Variants in SLC39A11 observed in about 807,000 individuals in gnomAD.
SLC39A11 encodes the protein solute carrier family 39 member 11, also known as zinc transporter ZIP11.
In SLC39A11, 33 loss-of-function variants were observed where a neutral mutation model predicts 36.1. That is an observed-to-expected ratio of 0.91 (90% CI 0.69 to 1.22). The LOEUF is 1.22. Ranked by LOEUF, SLC39A11 falls within the 50% of genes most tolerant of loss-of-function variation. SLC39A11 has a pLI of 0.00. For synonymous variants in SLC39A11, 166 were observed against 170.3 expected (o/e 0.97, Z 0.20); for missense variants, 432 against 430.3 (o/e 1.00, Z -0.03).
At chr17:73,027,847 C>A (rs1257067575) in intron 4 of SLC39A11, among the ~76,000 whole-genome samples, 1 of 152,182 alleles carries the variant, frequency 6.6e-6, no homozygotes, top group Non-Finnish European at 1.5e-5. Context: ...ATCCTTCAAG[C>A]CATATCGCTG....
chr17:72,715,693 C>T (rs999331899), intron 7 of SLC39A11, among the ~76,000 whole-genome samples: 1 of 151,972 alleles, frequency 6.6e-6, no homozygotes, highest in Non-Finnish European at 1.5e-5. Context: ...CATAACATAC[C>T]ATGTACCATC....
At chr17:73,069,340 C>T (rs1260715766) in intron 3 of SLC39A11, among the ~76,000 whole-genome samples, 3 of 152,240 alleles carry the variant, frequency 2.0e-5, no homozygotes, top group Non-Finnish European at 4.4e-5. Flanking sequence ...ACCTTGAGCT[C>T]CTTGCAGGGA....
chr17:72,781,597 G>T (rs1481345540), intron 6 of SLC39A11, among the ~76,000 whole-genome samples: 6 of 151,804 alleles, frequency 4.0e-5, no homozygotes, highest in African/African-American at 1.5e-4. Flanking sequence ...CTAATTTTTT[G>T]TATTTTTAAT....
Position 72,648,330 on chromosome 17 carries a change from T to TA in SLC39A11, c.929+472dup, listed in dbSNP as rs10715471. Reference sequence around the variant, plus strand: ...GGGTGACAGAGCGAGACTCTGCCATTAAAAAAAAAAAAAAAAAGAAAAACA... The same window carrying TA: ...GGGTGACAGAGCGAGACTCTGCCATTAAAAAAAAAAAAAAAAAAGAAAAACA... On this transcript the variant is annotated intron_variant, in intron 9 of 9. Coordinates refer to ENST00000255559, the MANE Select transcript of SLC39A11 (RefSeq NM_139177.4). 9.2e-3 allele frequency among the ~76,000 whole-genome samples: 1,161 copies of TA among 126,052 alleles called. 15 individuals carry two copies. Among genetic ancestry groups the TA allele is most frequent in the African/African-American group, 0.029 (969 of 32,910 alleles). The allele number at this position is 126,052 out of a possible 152,430, so 82.7% of individuals were successfully genotyped here.
At chr17:72,729,434 TATATATATATA>T (rs1567994799) in intron 7 of SLC39A11, among the ~76,000 whole-genome samples, 39 of 3,472 alleles carry the variant, frequency 0.011, 6 homozygotes, top group African/African-American at 0.016. Flanking sequence ...TATATATATA[TATATATATATA>T]TATATATATA....
chr17:72,648,942 T>C lies in SLC39A11; in HGVS notation c.790A>G (p.Met264Val), dbSNP rs762130204. The C allele has an allele frequency of 6.8e-6, 11 of 1,613,198 alleles. No individual in the cohort carries two copies. Among genetic ancestry groups the C allele is most frequent in the South Asian group, 5.5e-5 (5 of 90,996 alleles). ...AAGACCCCGGCCAGGGGCTCCACCA[T>C]GCCGCTCAGCTGCCCATACCTAAGG... ...RAFWYGQLSGMVEPLAGVFGA... is the reference protein window; with the variant it reads ...RAFWYGQLSGVVEPLAGVFGA... The change falls in exon 9 of 10, where the codon ATG becomes GTG. Residue 264 changes from methionine to valine, a missense_variant. By Grantham distance (21) the Met-to-Val change is conservative. Coordinates refer to ENST00000255559, the MANE Select transcript of SLC39A11 (RefSeq NM_139177.4).
intron 6 of SLC39A11, among the ~76,000 whole-genome samples, chr17:72,759,440 G>C (rs1235408257): frequency 1.3e-5 from 2 of 152,142 alleles, no homozygotes; most frequent in Non-Finnish European, 2.9e-5. Flanking sequence ...GAATACAAAG[G>C]ATTCTTAAAA....
At chr17:72,812,884 C>T (rs779854704) in intron 6 of SLC39A11, among the ~76,000 whole-genome samples, 1 of 152,086 alleles carries the variant, frequency 6.6e-6, no homozygotes, top group South Asian at 2.1e-4. Context: ...GATAGCATCC[C>T]GCTTTTCTTT....
At chr17:72,805,952 AG>A (rs1162061655) in intron 6 of SLC39A11, among the ~76,000 whole-genome samples, 2 of 151,948 alleles carry the variant, frequency 1.3e-5, no homozygotes, top group Non-Finnish European at 2.9e-5. Flanking sequence ...GGATTTTGCC[AG>A]GTTGGCCAGG....
intron 7 of SLC39A11, among the ~76,000 whole-genome samples, chr17:72,683,333 A>ATTTTTT (rs112326860): frequency 7.4e-6 from 1 of 134,612 alleles, no homozygotes. Context: ...CTTGAGACTA[A>ATTTTTT]TTTTTTTTTT....
chr17:72,810,215 T>C (rs1036459163), intron 6 of SLC39A11, among the ~76,000 whole-genome samples: 3 of 152,150 alleles, frequency 2.0e-5, no homozygotes, highest in African/African-American at 4.8e-5. Context: ...GCTTAACACA[T>C]GCTTATGCTA....
intron 4 of SLC39A11, among the ~76,000 whole-genome samples, chr17:73,025,075 C>T (rs2058488861): frequency 6.6e-6 from 1 of 152,044 alleles, no homozygotes; most frequent in Non-Finnish European, 1.5e-5. Context: ...TCACTAGAGG[C>T]ATCTTCTTTG....
At chr17:72,991,285 C>T (rs1222724572) in intron 4 of SLC39A11, among the ~76,000 whole-genome samples, 8 of 152,062 alleles carry the variant, frequency 5.3e-5, no homozygotes. Flanking sequence ...TTATTTTATA[C>T]AATTTCAAAC....
rs2072073899 is a variant in SLC39A11 at position 72,692,363 on chromosome 17, C to T, written c.672-43095G>A. On this transcript the variant is annotated intron_variant, in intron 7 of 9. Transcript: ENST00000255559. ...CAAATCCTACAATGATGAGGTGATG[C>T]ATTAGTCTGTTTTCATGCTGCTAAT... 2.0e-5 allele frequency among the ~76,000 whole-genome samples: 3 copies of T among 152,124 alleles called. No individual in the cohort carries two copies. The South Asian group carries it at 6.2e-4, about 32-fold the overall frequency.
intron 4 of SLC39A11, among the ~76,000 whole-genome samples, chr17:73,013,630 C>T (rs1011177345): frequency 3.3e-5 from 5 of 152,138 alleles, no homozygotes; most frequent in African/African-American, 4.8e-5. Flanking sequence ...TGGCCCAGGA[C>T]GGCTTTGAAT....
At chr17:72,838,030 T>C (rs892531428) in intron 6 of SLC39A11, 30 of 1,214,632 alleles carry the variant, frequency 2.5e-5, no homozygotes, top group Middle Eastern at 6.2e-4. Flanking sequence ...ACACCTATAA[T>C]CTCAGCACTA....
intron 6 of SLC39A11, among the ~76,000 whole-genome samples, chr17:72,755,118 A>G (rs1470854533): frequency 6.6e-6 from 1 of 152,226 alleles, no homozygotes; most frequent in Non-Finnish European, 1.5e-5. Context: ...TGGCCCATGA[A>G]CAGGGATGGT....
chr17:72,655,818 T>A (rs2070088127), intron 7 of SLC39A11, among the ~76,000 whole-genome samples: 1 of 151,968 alleles, frequency 6.6e-6, no homozygotes, highest in Admixed American at 6.6e-5. Context: ...CAGAGAATAT[T>A]GAGGACCCCG....
intron 4 of SLC39A11, among the ~76,000 whole-genome samples, chr17:72,986,163 A>G (rs571819445): frequency 1.1e-4 from 16 of 152,262 alleles, no homozygotes; most frequent in Non-Finnish European, 1.6e-4. Context: ...AGCTATTCAA[A>G]TTGTGATATA....
Sources: allele counts gnomAD v4.1 joint callset (sites outside exome capture counted in the v4.1 genomes callset), GRCh38; gene constraint gnomAD v4.1.1; transcripts MANE v1.5; gene names NCBI Gene and HGNC (gene_info 2026-07-23, HGNC 2026-07-21).